HIGD1B: variants seen among roughly 807,000 people sequenced by gnomAD.
HIGD1B encodes the protein HIG1 hypoxia inducible domain family member 1B.
Under a neutral mutation model 8.8 loss-of-function variants are expected in HIGD1B, and 9 were observed. That is an observed-to-expected ratio of 1.02 (90% CI 0.62 to 1.78). The LOEUF (loss-of-function observed/expected upper bound fraction) is 1.78, where lower values mean the gene tolerates loss of function less well. Ranked by LOEUF, HIGD1B falls within the 40% of genes most tolerant of loss-of-function variation. HIGD1B has a pLI of 0.00. For missense variants in HIGD1B, 126 were observed against 111.8 expected, an observed-to-expected ratio of 1.13 and a Z score of -0.57; for synonymous variants, 47 against 38.8, an observed-to-expected ratio of 1.21 and a Z score of -0.78.
chr17:44,848,611 C>T (rs958638999), intron 1 of HIGD1B, among the ~76,000 whole-genome samples: 1 of 151,170 alleles, frequency 6.6e-6, no homozygotes, highest in Non-Finnish European at 1.5e-5. Flanking sequence ...GCTCAAGGGC[C>T]CAGGGCGGAG....
At position 44,848,024 on chromosome 17, in the gene HIGD1B, G is replaced by C. The variant is rs2050341832; in HGVS notation, c.-129G>C. On this transcript the variant is annotated 5_prime_UTR_variant, in exon 1 of 3. Transcript: ENST00000253410. The stretch of plus-strand genomic sequence containing the variant: ...GAGGCTGTGTTGGGGCATGGTGAGA[G>C]AGGGTCTTAGCAGGTAACCTTCCTT... The C allele has an allele frequency of 3.3e-6, 2 of 602,828 alleles. No individual in the cohort carries two copies. Among genetic ancestry groups the C allele is most frequent in the Non-Finnish European group, 6.0e-6 (2 of 335,716 alleles). 37.3% of individuals were successfully genotyped at this position (602,828 alleles called of 1,614,324 possible).
intron 2 of HIGD1B, among the ~76,000 whole-genome samples, chr17:44,849,589 A>G (rs553344921): frequency 4.6e-4 from 70 of 152,014 alleles, no homozygotes; most frequent in African/African-American, 9.6e-4. Context: ...GTGAAACCCC[A>G]TATCTACTAA....
In HIGD1B at chr17:44,849,408, C is replaced by T. The variant is rs758912982; in HGVS notation, c.235+20C>T. 23 of 1,613,010 alleles carry T rather than the reference C, an allele frequency of 1.4e-5. No homozygotes were observed. Among genetic ancestry groups the T allele is most frequent in the African/African-American group, 1.1e-4 (8 of 74,830 alleles). On this transcript the variant is annotated intron_variant, in intron 2 of 2. Coordinates refer to ENST00000253410, the MANE Select transcript of HIGD1B (RefSeq NM_016438.4). ...TGCTAGGTGAGTAGCTTTGTGGGGT[C>T]GCAGAATGAGGGCAAAACCGATTAT...
At chr17:44,846,135 C>T (rs2145404721), upstream of HIGD1B, among the ~76,000 whole-genome samples, 1 of 152,260 alleles carries the variant, frequency 6.6e-6, no homozygotes, top group South Asian at 2.1e-4. Flanking sequence ...CCACTTAATT[C>T]CATGGGAATT....
chr17:44,848,636 G>C (rs926013871), intron 1 of HIGD1B, among the ~76,000 whole-genome samples: 1 of 149,388 alleles, frequency 6.7e-6, no homozygotes, highest in Non-Finnish European at 1.5e-5. Flanking sequence ...TTGGTGGGGA[G>C]GGGCTGTGTC....
At chr17:44,849,656 A>C (rs1320608005) in intron 2 of HIGD1B, among the ~76,000 whole-genome samples, 3 of 143,530 alleles carry the variant, frequency 2.1e-5, no homozygotes, top group Non-Finnish European at 4.5e-5. Flanking sequence ...GCTACTCTGG[A>C]GGCTTCGGCA....
chr17:44,845,034 G>T (rs1396769625), upstream of HIGD1B, among the ~76,000 whole-genome samples: 1 of 151,844 alleles, frequency 6.6e-6, no homozygotes, highest in Non-Finnish European at 1.5e-5. Flanking sequence ...GAGGTGGGCG[G>T]ATCACCTGAG....
chr17:44,847,198 C>T (rs537689291), upstream of HIGD1B, among the ~76,000 whole-genome samples: 38 of 152,088 alleles, frequency 2.5e-4, no homozygotes, highest in African/African-American at 5.8e-4. Flanking sequence ...CTTTGGGAGG[C>T]CGAGGCAGGT....
Position 44,850,356 on chromosome 17 carries a change from A to T in HIGD1B, c.260A>T (p.Asp87Val). ...MLGAVYTMYS[D>V]YVKRMAQDAG... ...GGTGCTGTGTACACAATGTACAGCG[A>T]TTACGTCAAGAGGATGGCACAGGAT... is the stretch of plus-strand genomic sequence containing the variant. The change falls in exon 3 of 3, where the codon GAT becomes GTT. Residue 87 changes from aspartate to valine, a missense_variant. Asp to Val is a radical substitution (Grantham distance 152). Coordinates refer to ENST00000253410, the MANE Select transcript of HIGD1B (RefSeq NM_016438.4). The T allele has an allele frequency of 6.2e-7, 1 of 1,613,460 alleles. No individual in the cohort carries two copies. Among genetic ancestry groups the T allele is most frequent in the Non-Finnish European group, 8.5e-7 (1 of 1,179,624 alleles).
upstream of HIGD1B, among the ~76,000 whole-genome samples, chr17:44,845,346 C>T (rs1031497105): frequency 1.3e-5 from 2 of 151,824 alleles, no homozygotes; most frequent in African/African-American, 4.8e-5. Flanking sequence ...GAGTGAGCAT[C>T]ACCCCATAGG....
Position 44,850,437 on chromosome 17 carries a change from A to C in HIGD1B, c.*41A>C. 40 of 1,427,184 alleles carry C rather than the reference A, an allele frequency of 2.8e-5. No individual in the cohort carries two copies. Among genetic ancestry groups the C allele is most frequent in the Non-Finnish European group, 3.4e-5 (35 of 1,015,294 alleles). The allele number at this position is 1,427,184 out of a possible 1,614,324, so 88.4% of individuals were successfully genotyped here. On this transcript the variant is annotated 3_prime_UTR_variant, in exon 3 of 3. Coordinates refer to ENST00000253410, the MANE Select transcript of HIGD1B (RefSeq NM_016438.4). Reference sequence around the variant, plus strand: ...CGGGGCTGTCCAACTCCCCTAACTCAATCCCTGGTACATTCCTAATAAAGC... The same window carrying C: ...CGGGGCTGTCCAACTCCCCTAACTCCATCCCTGGTACATTCCTAATAAAGC...
intron 1 of HIGD1B, 121 bp downstream of exon 1, chr17:44,848,373 G>A (rs2050350057): frequency 1.5e-6 from 1 of 645,226 alleles, no homozygotes; most frequent in Non-Finnish European, 2.8e-6. Context: ...ACGGAACAAG[G>A]GAAACAACAG....
At position 44,849,390 on chromosome 17, in the gene HIGD1B, T is replaced by C. The variant is rs777090196; in HGVS notation, c.235+2T>C. 5.6e-6 allele frequency: 9 copies of C among 1,613,706 alleles called. No individual in the cohort carries two copies. The highest frequency in any genetic ancestry group is 3.3e-5 in the Admixed American group (2 of 59,946). On this transcript the variant is annotated splice_donor_variant, in intron 2 of 2. Transcript: ENST00000253410. LOFTEE classifies it high-confidence loss of function. ...GTGCAGTGGGTGCAATCATGCTAGGTGAGTAGCTTTGTGGGGTCGCAGAAT... is the reference window on the plus strand; with the variant it reads ...GTGCAGTGGGTGCAATCATGCTAGGCGAGTAGCTTTGTGGGGTCGCAGAAT...
At chr17:44,848,842 C>A (rs2145413738) in intron 1 of HIGD1B, among the ~76,000 whole-genome samples, 1 of 152,232 alleles carries the variant, frequency 6.6e-6, no homozygotes, top group East Asian at 1.9e-4. Context: ...ATGGCACAGT[C>A]TCGGTTCACC....
Position 44,848,191 on chromosome 17 carries a change from C to T in HIGD1B, c.39C>T (p.Asp13=), listed in dbSNP as rs12164. 0.63 allele frequency: 546,768 copies of T among 872,118 alleles called. 173,343 individuals carry two copies. The highest frequency in any genetic ancestry group is 0.8 in the African/African-American group (48,855 of 61,356). The allele number at this position is 872,118 out of a possible 1,614,324, so 54.0% of individuals were successfully genotyped here. The change falls in exon 1 of 3, where the codon GAC becomes GAT. Residue 13 remains aspartate, a synonymous_variant. Transcript: ENST00000253410. ...ANRRWWVPPD[D]EDCVSEKLLR... ...GACGCTGGTGGGTACCACCTGACGA[C>T]GAAGACTGTGTGTCTGAGAAGCTCC...
rs2050418241 is a variant in HIGD1B, at chr17:44,850,267, C to T, written c.236-65C>T. ...AGCTAGAGGTGAACCCCTAGGACGC[C>T]TGAGAGCCAGAGGACGGGTGAAGGG... On this transcript the variant is annotated intron_variant, in intron 2 of 2. Transcript: ENST00000253410. 5 of 1,376,376 alleles carry T rather than the reference C, an allele frequency of 3.6e-6. No individual in the cohort carries two copies. In the Admixed American group the frequency reaches 9.7e-5, roughly 27 times the overall value. The allele number at this position is 1,376,376 out of a possible 1,614,324, so 85.3% of individuals were successfully genotyped here. A position where few individuals can be genotyped will look rare whatever the true frequency, so the allele number is the denominator to read the frequency against.
At position 44,848,275 on chromosome 17, in the gene HIGD1B, T is replaced by C. The variant is rs751349785; in HGVS notation, c.100+23T>C. The stretch of plus-strand genomic sequence containing the variant: ...TAGGTAAGTGAAGAAAGGAATGGGG[T>C]GCCGAGTAGGAGGCCTTCTCTGTCA... On this transcript the variant is annotated intron_variant, in intron 1 of 2. Transcript: ENST00000253410. 4.6e-6 allele frequency: 4 copies of C among 869,332 alleles called. No homozygotes were observed. In the East Asian group the frequency reaches 9.6e-5, roughly 21 times the overall value. 53.9% of individuals were successfully genotyped at this position (869,332 alleles called of 1,614,324 possible).
intron 1 of HIGD1B, 26 bp downstream of exon 1, chr17:44,848,278 C>T (rs769769596): frequency 2.2e-5 from 19 of 866,984 alleles, no homozygotes; most frequent in Non-Finnish European, 3.4e-5. Context: ...AATGGGGTGC[C>T]GAGTAGGAGG....
rs565222222 is a variant in HIGD1B at position 44,848,726 on chromosome 17, C to T, written c.100+474C>T. Among the ~76,000 whole-genome samples, 141 of 149,902 alleles carry T rather than the reference C, an allele frequency of 9.4e-4. 1 individual carries two copies. Among genetic ancestry groups the T allele is most frequent in the South Asian group, 6.2e-3 (29 of 4,692 alleles). ...ATTTGTATATGGGGGAGGGGTGTCA[C>T]GGGAGGGAGGCAGCCACTTTGAAAA... On this transcript the variant is annotated intron_variant, in intron 1 of 2. Coordinates refer to ENST00000253410, the MANE Select transcript of HIGD1B (RefSeq NM_016438.4).
Sources: allele counts gnomAD v4.1 joint callset (sites outside exome capture counted in the v4.1 genomes callset), GRCh38; gene constraint gnomAD v4.1.1; transcripts MANE v1.5; gene names NCBI Gene and HGNC (gene_info 2026-07-23, HGNC 2026-07-21).